The following SDK1 variants were observed in gnomAD, a reference collection of about 807,000 sequenced individuals.
The protein encoded by SDK1 is sidekick cell adhesion molecule 1.
Under a neutral mutation model 245.5 loss-of-function variants are expected in SDK1, and 157 were observed. The ratio of observed to expected loss-of-function variants is 0.64; its 90% confidence interval spans 0.56 to 0.73. The LOEUF (loss-of-function observed/expected upper bound fraction) is 0.73, where lower values mean the gene tolerates loss of function less well. Among genes scored for constraint, SDK1 ranks in the 30% least tolerant of loss-of-function variants. The pLI is 0.00. For synonymous variants in SDK1, 1,647 were observed against 1,278.5 expected (o/e 1.29, Z -6.15); for missense variants, 3,583 against 3,002.3 (o/e 1.19, Z -4.52).
At chr7:3,617,723 C>T (rs1183069284) in intron 1 of SDK1, among the ~76,000 whole-genome samples, 23 of 152,194 alleles carry the variant, frequency 1.5e-4, no homozygotes, top group Admixed American at 1.5e-3. Flanking sequence ...TAGGACCCCT[C>T]TCCCTTGATA....
In SDK1 at chr7:4,241,809, C is replaced by A; in HGVS notation, c.6147C>A (p.Thr2049=). 1 of 1,614,166 alleles carries A rather than the reference C, an allele frequency of 6.2e-7. No individual in the cohort carries two copies. Among genetic ancestry groups the A allele is most frequent in the Non-Finnish European group, 8.5e-7 (1 of 1,180,026 alleles). ...GGGCTTTAGGAAAGGGGATCTCCAC[C>A]ATGGAGGAGTCTGTGACCCTGGACA... ...KNCSTGKGIS[T]MEESVTLDNG... Residue 2049 remains threonine (T), a synonymous_variant, in exon 43 of 45, where the codon ACC becomes ACA. Transcript: ENST00000404826.
chr7:4,164,885 A>G (rs1781402992), intron 32 of SDK1, among the ~76,000 whole-genome samples: 1 of 152,198 alleles, frequency 6.6e-6, no homozygotes, highest in Non-Finnish European at 1.5e-5. Flanking sequence ...GGTCAATACA[A>G]CGTCCTGTAG....
chr7:3,303,825 A>C (rs1396844380), intron 1 of SDK1, among the ~76,000 whole-genome samples: 2 of 151,872 alleles, frequency 1.3e-5, no homozygotes, highest in Non-Finnish European at 2.9e-5. Flanking sequence ...ATGTATCTTG[A>C]AAATGAAAAT....
At chr7:3,545,140 A>C (rs1442088808) in intron 1 of SDK1, among the ~76,000 whole-genome samples, 1 of 152,140 alleles carries the variant, frequency 6.6e-6, no homozygotes, top group Non-Finnish European at 1.5e-5. Context: ...ACCAAAGCCA[A>C]CTTTAGGAGA....
chr7:4,236,339 G>T (rs971105659), intron 41 of SDK1, among the ~76,000 whole-genome samples: 2 of 152,208 alleles, frequency 1.3e-5, no homozygotes, highest in Non-Finnish European at 2.9e-5. Flanking sequence ...CCGCTTTTCT[G>T]TTCTGAGCGA....
chr7:3,509,067 G>GGTGT lies in SDK1; in HGVS notation c.299-109999_299-109996dup, dbSNP rs911519846. 5.1e-3 allele frequency among the ~76,000 whole-genome samples: 735 copies of GGTGT among 143,508 alleles called. 9 individuals carry two copies. The highest frequency in any genetic ancestry group is 0.018 in the African/African-American group (696 of 37,694). 94.1% of individuals were successfully genotyped at this position (143,508 alleles called of 152,430 possible). On this transcript the variant is annotated intron_variant, in intron 1 of 44. Coordinates refer to ENST00000404826, the MANE Select transcript of SDK1 (RefSeq NM_152744.4). ...TATCAGGGCAGCCTAAGGAAGGTGG[G>GGTGT]GTGTGTGTGTGTGTGTGCGTGTGTG...
At chr7:3,636,943 G>C (rs537572372) in intron 2 of SDK1, among the ~76,000 whole-genome samples, 13 of 152,272 alleles carry the variant, frequency 8.5e-5, no homozygotes, top group Non-Finnish European at 1.5e-4. Context: ...GGGACATTGA[G>C]CTCTTTTTCA....
chr7:4,139,501 GT>G (rs1779350146), intron 28 of SDK1, among the ~76,000 whole-genome samples: 1 of 136,510 alleles, frequency 7.3e-6, no homozygotes, highest in African/African-American at 2.7e-5. Context: ...ATATGTGTGT[GT>G]GTATATGTAT....
At chr7:3,314,726 T>C (rs904384502) in intron 1 of SDK1, among the ~76,000 whole-genome samples, 33 of 152,222 alleles carry the variant, frequency 2.2e-4, no homozygotes, top group African/African-American at 8.0e-4. Flanking sequence ...TGTTATGCTT[T>C]TATATAGATG....
chr7:4,108,385 G>T (rs1415277736), intron 22 of SDK1, among the ~76,000 whole-genome samples: 1 of 152,092 alleles, frequency 6.6e-6, no homozygotes, highest in Non-Finnish European at 1.5e-5. Context: ...AGGATTTGAG[G>T]GTTTCGATGG....
chr7:4,150,561 T>A (rs924270842), intron 30 of SDK1, among the ~76,000 whole-genome samples: 2 of 152,076 alleles, frequency 1.3e-5, no homozygotes, highest in Non-Finnish European at 2.9e-5. Flanking sequence ...TTTGCTCATA[T>A]CCCCCACCCA....
chr7:3,372,768 G>C (rs1186614603), intron 1 of SDK1, among the ~76,000 whole-genome samples: 1 of 152,214 alleles, frequency 6.6e-6, no homozygotes. Flanking sequence ...AGAGCACACA[G>C]TGTAGGAGAG....
chr7:3,599,639 G>A (rs1441473390), intron 1 of SDK1, among the ~76,000 whole-genome samples: 2 of 152,152 alleles, frequency 1.3e-5, no homozygotes, highest in Non-Finnish European at 2.9e-5. Flanking sequence ...TGTATAGAAG[G>A]TGTGAAGATT....
chr7:4,217,625 AGCACCAGGCCACCTG>A (rs1784912187), intron 38 of SDK1, among the ~76,000 whole-genome samples: 2 of 151,740 alleles, frequency 1.3e-5, no homozygotes, highest in Non-Finnish European at 2.9e-5. Context: ...CACCACCCGG[AGCACCAGGCCACCTG>A]GAGCACCAGG....
chr7:3,888,860 A>C (rs560559271), intron 5 of SDK1, among the ~76,000 whole-genome samples: 1 of 152,208 alleles, frequency 6.6e-6, no homozygotes, highest in Non-Finnish European at 1.5e-5. Context: ...GTTATGCTAT[A>C]TGTTATTTTA....
At chr7:3,798,163 C>T (rs1212304408) in intron 4 of SDK1, among the ~76,000 whole-genome samples, 1 of 149,128 alleles carries the variant, frequency 6.7e-6, no homozygotes, top group African/African-American at 2.5e-5. Context: ...CACCATGTCT[C>T]TGTAGACTTC....
chr7:4,074,886 G>C (rs55693306), intron 20 of SDK1, among the ~76,000 whole-genome samples: 4,466 of 46,612 alleles, frequency 0.096, 232 homozygotes, highest in African/African-American at 0.13. Flanking sequence ...CTCTCTCTCT[G>C]TATATATATA....
intron 1 of SDK1, among the ~76,000 whole-genome samples, chr7:3,544,453 C>G (rs1779153860): frequency 6.6e-6 from 1 of 152,214 alleles, no homozygotes; most frequent in Admixed American, 6.5e-5. Flanking sequence ...CGGCCATGCC[C>G]AAATGAGGGG....
intron 4 of SDK1, among the ~76,000 whole-genome samples, chr7:3,698,639 C>T (rs1449737517): frequency 6.6e-6 from 1 of 152,132 alleles, no homozygotes; most frequent in Non-Finnish European, 1.5e-5. Context: ...CCTCACAGTT[C>T]TGGAGGCTAA....
Sources: gnomAD v4.1 joint callset for allele counts (sites outside exome capture counted in the v4.1 genomes callset) on GRCh38, gnomAD v4.1.1 for gene constraint, MANE v1.5 for transcripts, NCBI Gene and HGNC (gene_info 2026-07-23, HGNC 2026-07-21) for gene names.